The following LRRIQ1 variants were observed in gnomAD, a reference collection of about 807,000 sequenced individuals.
The protein encoded by LRRIQ1 is leucine rich repeats and IQ motif containing 1.
A neutral mutation model predicts 211.9 loss-of-function variants in LRRIQ1; 210 were observed. That is an observed-to-expected ratio of 0.99 (90% CI 0.89 to 1.11). LRRIQ1 has a LOEUF of 1.11. LRRIQ1 is among the 50% of genes most tolerant of loss of function. The pLI, the probability that LRRIQ1 is intolerant of heterozygous loss-of-function variation, is 0.00. For missense variants in LRRIQ1, 2,136 were observed against 1,939.5 expected (o/e 1.10, Z -1.90); for synonymous variants, 699 against 650.1 (o/e 1.08, Z -1.14).
intron 19 of LRRIQ1, 40 bp from the exon 20 acceptor site, chr12:85,152,240 T>C (rs554700358): frequency 1.3e-6 from 2 of 1,516,618 alleles, no homozygotes; most frequent in Admixed American, 1.9e-5. Context: ...GTAAAAGTTA[T>C]GTAAGCTAAA....
chr12:85,081,845 T>C (rs144830691), intron 11 of LRRIQ1, among the ~76,000 whole-genome samples: 2,864 of 151,052 alleles, frequency 0.019, 82 homozygotes, highest in African/African-American at 0.066. Context: ...CTCAGCCTCC[T>C]GAGTAGCTAG....
chr12:85,157,885 A>AT (rs1226152234), intron 23 of LRRIQ1, among the ~76,000 whole-genome samples: 14 of 151,838 alleles, frequency 9.2e-5, no homozygotes, highest in Admixed American at 4.6e-4. Flanking sequence ...AAAAAGGCTA[A>AT]TTTTTTATGT....
At chr12:85,135,695 G>A (rs1370180974) in intron 18 of LRRIQ1, among the ~76,000 whole-genome samples, 4 of 151,962 alleles carry the variant, frequency 2.6e-5, no homozygotes, top group African/African-American at 4.8e-5. Context: ...TTAAATATAT[G>A]TGTTTGATTT....
Position 85,052,209 on chromosome 12 carries a change from TAA to T in LRRIQ1, c.713_714del (p.Lys238ArgfsTer10). 1 of 1,563,018 alleles carries T rather than the reference TAA, an allele frequency of 6.4e-7. No homozygotes were observed. The highest frequency in any genetic ancestry group is 8.7e-7 in the Non-Finnish European group (1 of 1,146,100). ...AGGACAAGATGAATGATGAACTCTA[TAA>T]AGAAGAGAAAATTTGGAAAGAGAAA... ...EQDKMNDELY[K>X]EEKIWKEKFK... On this transcript the variant is annotated frameshift_variant, in exon 7 of 27. Transcript: ENST00000393217. LOFTEE classifies it high-confidence loss of function.
intron 8 of LRRIQ1, among the ~76,000 whole-genome samples, chr12:85,062,780 G>A (rs942814800): frequency 2.6e-5 from 4 of 151,704 alleles, no homozygotes; most frequent in East Asian, 1.9e-4. Flanking sequence ...TCTCCAAACC[G>A]CTTTCCACAG....
At chr12:85,170,228 G>T (rs1241468373) in intron 24 of LRRIQ1, among the ~76,000 whole-genome samples, 3 of 149,520 alleles carry the variant, frequency 2.0e-5, no homozygotes, top group African/African-American at 2.5e-5. Context: ...GAATATTTGT[G>T]TTCTATTCCA....
At chr12:85,220,192 G>A (rs1565911558) in intron 24 of LRRIQ1, among the ~76,000 whole-genome samples, 2 of 151,880 alleles carry the variant, frequency 1.3e-5, no homozygotes, top group Non-Finnish European at 2.9e-5. Flanking sequence ...AAAAACTTTT[G>A]GTAAGGAAAT....
chr12:85,098,354 G>C lies in LRRIQ1; in HGVS notation c.2888-1G>C. 6.3e-7 allele frequency: 1 copy of C among 1,590,360 alleles called. No individual in the cohort carries two copies. Among genetic ancestry groups the C allele is most frequent in the Non-Finnish European group, 8.6e-7 (1 of 1,164,544 alleles). The stretch of plus-strand genomic sequence containing the variant: ...GTGATCTTATAACTTTTTTCTTCTA[G>C]GTGGTTTAGAATCTTTGAAAAATCT... On this transcript the variant is annotated splice_acceptor_variant, in intron 11 of 26. Coordinates refer to ENST00000393217, the MANE Select transcript of LRRIQ1 (RefSeq NM_001079910.2). LOFTEE classifies it high-confidence loss of function.
chr12:85,124,738 CTAG>C (rs1888249247), intron 17 of LRRIQ1: 1 of 458,204 alleles, frequency 2.2e-6, no homozygotes, highest in African/African-American at 2.0e-5. Context: ...CATTTAATTT[CTAG>C]TAGTATTTAA....
intron 23 of LRRIQ1, among the ~76,000 whole-genome samples, chr12:85,158,193 C>A (rs976143150): frequency 1.3e-5 from 2 of 151,708 alleles, no homozygotes; most frequent in Non-Finnish European, 2.9e-5. Flanking sequence ...GACCTACTAC[C>A]ACCATGCCTA....
chr12:85,118,912 C>T (rs1887778776), intron 15 of LRRIQ1, among the ~76,000 whole-genome samples: 1 of 151,978 alleles, frequency 6.6e-6, no homozygotes, highest in East Asian at 1.9e-4. Flanking sequence ...GCAGAAAGTA[C>T]AGAGTTCCCA....
intron 24 of LRRIQ1, among the ~76,000 whole-genome samples, chr12:85,191,291 G>C (rs1892498916): frequency 6.6e-6 from 1 of 151,846 alleles, no homozygotes; most frequent in Non-Finnish European, 1.5e-5. Context: ...TAGTTTCTCT[G>C]TCATAAAAAT....
downstream of LRRIQ1, among the ~76,000 whole-genome samples, chr12:85,268,344 A>G (rs1896465381): frequency 6.6e-6 from 1 of 151,960 alleles, no homozygotes; most frequent in South Asian, 2.1e-4. Context: ...CATGGCAAGT[A>G]CAAGACGCAT....
At chr12:85,188,022 A>G (rs1299347212) in intron 24 of LRRIQ1, among the ~76,000 whole-genome samples, 1 of 152,020 alleles carries the variant, frequency 6.6e-6, no homozygotes, top group Non-Finnish European at 1.5e-5. Flanking sequence ...ACACAGAAGT[A>G]TACATTTAAA....
chr12:85,067,991 C>T (rs1592731262), intron 10 of LRRIQ1, among the ~76,000 whole-genome samples: 1 of 151,908 alleles, frequency 6.6e-6, no homozygotes, highest in African/African-American at 2.4e-5. Context: ...CAGGTTACTT[C>T]TGCATTATTG....
At chr12:85,144,137 C>A (rs1008138068) in intron 19 of LRRIQ1, among the ~76,000 whole-genome samples, 2 of 151,512 alleles carry the variant, frequency 1.3e-5, no homozygotes, top group African/African-American at 4.8e-5. Flanking sequence ...CATTGTTTAG[C>A]TCCAACTTAT....
chr12:85,192,993 TATA>T (rs1180867118), intron 24 of LRRIQ1, among the ~76,000 whole-genome samples: 2 of 62,656 alleles, frequency 3.2e-5, no homozygotes, highest in East Asian at 3.4e-4. Flanking sequence ...AATTATATAA[TATA>T]ATATATAAAT....
chr12:85,111,934 TTATA>T lies in LRRIQ1; in HGVS notation c.3377+5328_3377+5331del, dbSNP rs71869023. Reference sequence around the variant, plus strand: ...ATATATGTATATGGTATTAGACATTTTATATATATATACACACACACACACACAC... The same window carrying T: ...ATATATGTATATGGTATTAGACATTTTATATATACACACACACACACACAC... On this transcript the variant is annotated intron_variant, in intron 15 of 26. Transcript: ENST00000393217. Among the ~76,000 whole-genome samples, 211 of 142,086 alleles carry T rather than the reference TTATA, an allele frequency of 1.5e-3. 1 individual carries two copies. Among genetic ancestry groups the T allele is most frequent in the African/African-American group, 5.6e-3 (201 of 36,186 alleles). The allele number at this position is 142,086 out of a possible 152,430, so 93.2% of individuals were successfully genotyped here.
intron 1 of LRRIQ1, among the ~76,000 whole-genome samples, chr12:85,254,405 T>C (rs1400146262): frequency 6.6e-6 from 1 of 152,184 alleles, no homozygotes; most frequent in Non-Finnish European, 1.5e-5. Context: ...TACTGGTCCC[T>C]TAGATTTCAT....
Sources: allele counts gnomAD v4.1 joint callset (sites outside exome capture counted in the v4.1 genomes callset), GRCh38; gene constraint gnomAD v4.1.1; transcripts MANE v1.5; gene names NCBI Gene and HGNC (gene_info 2026-07-23, HGNC 2026-07-21).